The following PTGR3 variants were observed in gnomAD, a reference collection of about 807,000 sequenced individuals.
The protein encoded by PTGR3 is prostaglandin reductase 3, also known as zinc binding alcohol dehydrogenase domain containing 2.
the PTGR3 span, chr18:75,200,181 C>G: frequency 6.6e-6 from 1 of 152,138 alleles, no homozygotes; most frequent in Admixed American, 6.5e-5. Flanking sequence ...TTCAGCGCAA[C>G]GGTGACAGCG....
the PTGR3 span, chr18:75,208,220 G>A: frequency 2.7e-5 from 20 of 749,028 alleles, no homozygotes; most frequent in South Asian, 7.2e-4. Flanking sequence ...CCAGCTGCCC[G>A]GGACACGCGC....
the PTGR3 span, chr18:75,201,568 G>C: frequency 6.2e-7 from 1 of 1,614,122 alleles, no homozygotes; most frequent in Non-Finnish European, 8.5e-7. Flanking sequence ...TCACAAACCA[G>C]GTCTCCGCTC....
chr18:75,198,435 C>G, the PTGR3 span: 1 of 152,142 alleles, frequency 6.6e-6, no homozygotes, highest in African/African-American at 2.4e-5. Context: ...TCCTGAGGAA[C>G]TTCATCCAGA....
At chr18:75,207,470 C>T in the PTGR3 span, among the ~76,000 whole-genome samples, 287 of 152,308 alleles carry the variant, frequency 1.9e-3, no homozygotes, top group African/African-American at 6.7e-3. Flanking sequence ...TTCTTTTTAG[C>T]TGGGCTGGGT....
the PTGR3 span, chr18:75,195,300 G>A: frequency 5.3e-5 from 8 of 152,194 alleles, no homozygotes; most frequent in African/African-American, 1.7e-4. Context: ...GATTAGAGTT[G>A]AACACACTTT....
chr18:75,201,383 C>G, the PTGR3 span: 9 of 1,552,234 alleles, frequency 5.8e-6, no homozygotes, highest in Non-Finnish European at 7.9e-6. Flanking sequence ...TGCCCATTTT[C>G]TTTCTCCCTT....
At chr18:75,195,216 G>A in the PTGR3 span, 1 of 152,188 alleles carries the variant, frequency 6.6e-6, no homozygotes, top group Non-Finnish European at 1.5e-5. Context: ...ATTCCATTGA[G>A]GCTAATTTGT....
chr18:75,200,629 T>C, the PTGR3 span: 1 of 152,158 alleles, frequency 6.6e-6, no homozygotes, highest in Non-Finnish European at 1.5e-5. Flanking sequence ...GAGCGCACAC[T>C]TTTCTCTTTC....
chr18:75,205,264 C>T, the PTGR3 span: 18 of 985,528 alleles, frequency 1.8e-5, no homozygotes, highest in Non-Finnish European at 1.8e-5. Context: ...AGGCGCAAAG[C>T]GAATGCGGGG....
the PTGR3 span, among the ~76,000 whole-genome samples, chr18:75,204,460 G>A: frequency 2.0e-5 from 3 of 152,216 alleles, no homozygotes; most frequent in African/African-American, 4.8e-5. Flanking sequence ...TTTGCCAGGG[G>A]CCTTTGCTTG....
chr18:75,209,119 C>T, the PTGR3 span: 92 of 1,365,682 alleles, frequency 6.7e-5, no homozygotes, highest in African/African-American at 1.3e-3. This position sits in a 1 kb window ranked among gnomAD's most constrained non-coding sequence, Gnocchi z 4.7. Flanking sequence ...CCGCCCGGGC[C>T]GCTCGGCTCG....
the PTGR3 span, chr18:75,195,902 A>C: frequency 5.9e-5 from 9 of 152,306 alleles, no homozygotes; most frequent in East Asian, 1.6e-3. Context: ...TGACAGAGCA[A>C]GACCCTTTCT....
the PTGR3 span, chr18:75,196,906 G>C: frequency 2.4e-4 from 37 of 151,136 alleles, no homozygotes; most frequent in African/African-American, 8.0e-4. Context: ...CTCAGCCAGG[G>C]AAACAATTAA....
At chr18:75,198,643 T>C in the PTGR3 span, 1 of 152,184 alleles carries the variant, frequency 6.6e-6, no homozygotes, top group Admixed American at 6.5e-5. Flanking sequence ...TTTGGCTCTT[T>C]AGAAGTCATA....
the PTGR3 span, chr18:75,201,867 G>A: frequency 6.2e-7 from 1 of 1,614,158 alleles, no homozygotes; most frequent in Non-Finnish European, 8.5e-7. Context: ...GGTACCTACG[G>A]GTTCAGTTTT....
chr18:75,202,241 C>G, the PTGR3 span: 2 of 1,614,178 alleles, frequency 1.2e-6, no homozygotes, highest in South Asian at 1.1e-5. Flanking sequence ...GGGCCACCAC[C>G]TCCCCAATGC....
the PTGR3 span, among the ~76,000 whole-genome samples, chr18:75,206,842 G>C: frequency 6.6e-6 from 1 of 152,302 alleles, no homozygotes; most frequent in South Asian, 2.1e-4. Context: ...TCCAAACATG[G>C]GAGTCTGCAC....
At chr18:75,209,003 C>T in the PTGR3 span, 1 of 1,590,480 alleles carries the variant, frequency 6.3e-7, no homozygotes, top group Non-Finnish European at 8.5e-7. The surrounding 1 kb of genome is among the most constrained non-coding windows in gnomAD (Gnocchi z 4.7). Context: ...CAGGAAGTGG[C>T]GGGCGTACGA....
the PTGR3 span, among the ~76,000 whole-genome samples, chr18:75,205,694 T>C: frequency 1.8e-4 from 26 of 141,338 alleles, no homozygotes; most frequent in African/African-American, 6.4e-4. Context: ...CAAAACAAAG[T>C]CGTCCAAACC....
Sources: gnomAD v4.1 joint callset for allele counts (sites outside exome capture counted in the v4.1 genomes callset) on GRCh38, gnomAD v4.1.1 for gene constraint, Gnocchi (gnomAD v3.1) non-coding constraint, MANE v1.5 for transcripts, NCBI Gene and HGNC (gene_info 2026-07-23, HGNC 2026-07-21) for gene names.